The following CLIP4 variants were observed in gnomAD, a reference collection of about 807,000 sequenced individuals.
The protein encoded by CLIP4 is CAP-Gly domain containing linker protein family member 4.
In CLIP4, 47 loss-of-function variants were observed where a neutral mutation model predicts 73.1. The observed-to-expected ratio is 0.64, with a 90% CI of 0.51 to 0.82. The LOEUF is 0.82. CLIP4 is among the 40% of genes least tolerant of loss of function. The pLI is 0.00. For synonymous variants in CLIP4, 306 were observed against 295.4 expected (o/e 1.04, Z -0.37); for missense variants, 874 against 852.9 (o/e 1.02, Z -0.31).
chr2:29,122,317 G>T (rs1240385050), intron 2 of CLIP4, among the ~76,000 whole-genome samples: 1 of 149,752 alleles, frequency 6.7e-6, no homozygotes, highest in African/African-American at 2.5e-5. Flanking sequence ...TAAAACCTGT[G>T]CCTTGATCTT....
intron 1 of CLIP4, among the ~76,000 whole-genome samples, chr2:29,117,710 C>T (rs1313604737): frequency 6.6e-6 from 1 of 152,132 alleles, no homozygotes; most frequent in African/African-American, 2.4e-5. Flanking sequence ...TTATTAGTCT[C>T]CAGGAAGCCT....
At chr2:29,176,044 AGCCACC>A (rs1201901074) in intron 15 of CLIP4, among the ~76,000 whole-genome samples, 1 of 152,200 alleles carries the variant, frequency 6.6e-6, no homozygotes, top group Non-Finnish European at 1.5e-5. Context: ...TACAGGCGTG[AGCCACC>A]GCACCCGGCT....
intron 10 of CLIP4, among the ~76,000 whole-genome samples, chr2:29,156,698 G>A (rs369594751): frequency 1.2e-4 from 18 of 152,110 alleles, no homozygotes; most frequent in Admixed American, 2.0e-4. Context: ...GAAAATAAAC[G>A]GAAATTCCAT....
At chr2:29,116,110 G>A (rs1663805449) in intron 1 of CLIP4, among the ~76,000 whole-genome samples, 1 of 152,218 alleles carries the variant, frequency 6.6e-6, no homozygotes, top group South Asian at 2.1e-4. Context: ...TGGCCAGTGG[G>A]TCTTCAAAGC....
At chr2:29,131,433 A>G in intron 3 of CLIP4, 36 bp downstream of exon 3, 4 of 1,569,058 alleles carry the variant, frequency 2.5e-6, no homozygotes, top group Non-Finnish European at 3.4e-6. Context: ...TTGCATTGTT[A>G]GGATTGTTAA....
At chr2:29,158,733 G>T (rs1427635553) in intron 11 of CLIP4, among the ~76,000 whole-genome samples, 1 of 152,190 alleles carries the variant, frequency 6.6e-6, no homozygotes, top group East Asian at 1.9e-4. Context: ...GAATGGGAAA[G>T]GTAGGGACCT....
At chr2:29,114,539 G>T (rs1325785662), upstream of CLIP4, among the ~76,000 whole-genome samples, 2 of 152,220 alleles carry the variant, frequency 1.3e-5, no homozygotes, top group African/African-American at 4.8e-5. Flanking sequence ...GTTAGTGGAG[G>T]TGTTCAACCA....
Position 29,160,385 on chromosome 2 carries a change from A to G in CLIP4, c.1452A>G (p.Glu484=), listed in dbSNP as rs543402143. ...STANNSRCEG[E]LRLGERVLVV... is the part of the protein sequence containing the mutation. ...CAAATAATAGCCGTTGCGAGGGGGA[A>G]CTCCGCCTCGGAGAGAGAGTGTTAG... Residue 484 remains glutamate (E), a synonymous_variant, in exon 12 of 16, where the codon GAA becomes GAG. Transcript: ENST00000320081. 7.1e-5 allele frequency: 115 copies of G among 1,613,924 alleles called. No homozygotes were observed. In the South Asian group the frequency reaches 1.0e-3, roughly 14 times the overall value.
At chr2:29,143,541 A>C (rs1018653408) in intron 6 of CLIP4, among the ~76,000 whole-genome samples, 168 bp from the exon 7 acceptor site, 2 of 151,982 alleles carry the variant, frequency 1.3e-5, no homozygotes, top group African/African-American at 4.8e-5. Flanking sequence ...TCACTGTAGG[A>C]TCTTTAGCAC....
chr2:29,143,478 C>G (rs1196111548), intron 6 of CLIP4, among the ~76,000 whole-genome samples: 1 of 149,746 alleles, frequency 6.7e-6, no homozygotes, highest in East Asian at 2.0e-4. Flanking sequence ...GTTGTATGGT[C>G]TATCTCTCCC....
At chr2:29,154,222 G>C (rs1331124939) in intron 9 of CLIP4, among the ~76,000 whole-genome samples, 2 of 152,180 alleles carry the variant, frequency 1.3e-5, no homozygotes, top group Non-Finnish European at 1.5e-5. Context: ...GAAGTATACG[G>C]TAAATATAGA....
In CLIP4 at chr2:29,183,157, CTG is replaced by C. The variant is rs1668722787; in HGVS notation, c.*1268_*1269del. ...TTAGGTATTGAAGTTTATGTCCTGT[CTG>C]TGTAAAGATTCATCTTTTATTGTAA... On this transcript the variant is annotated 3_prime_UTR_variant, in exon 16 of 16. Coordinates refer to ENST00000320081, the MANE Select transcript of CLIP4 (RefSeq NM_024692.6). 6.6e-6 allele frequency: 1 copy of C among 152,580 alleles called. No individual in the cohort carries two copies. Among genetic ancestry groups the C allele is most frequent in the South Asian group, 2.1e-4 (1 of 4,838 alleles). The allele number at this position is 152,580 out of a possible 1,614,324, so 9.5% of individuals were successfully genotyped here. A position where few individuals can be genotyped will look rare whatever the true frequency, so the allele number is the denominator to read the frequency against.
In CLIP4 at chr2:29,181,836, G is replaced by A. The variant is rs747449043; in HGVS notation, c.2061G>A (p.Pro687=). 57 of 1,613,998 alleles carry A rather than the reference G, an allele frequency of 3.5e-5. No individual in the cohort carries two copies. The highest frequency in any genetic ancestry group is 5.3e-5 in the African/African-American group (4 of 74,932). Reference sequence around the variant, plus strand: ...CGAACCATGGAGTCTTAGTTCGACCGAGCAGAGTGACCTATCGGGGAATTA... The same window carrying A: ...CGAACCATGGAGTCTTAGTTCGACCAAGCAGAGTGACCTATCGGGGAATTA... ...CKPNHGVLVR[P]SRVTYRGING... Residue 687 remains proline (P), a synonymous_variant, in exon 16 of 16, where the codon CCG becomes CCA. Coordinates refer to ENST00000320081, the MANE Select transcript of CLIP4 (RefSeq NM_024692.6).
chr2:29,123,740 C>T (rs115885022), intron 2 of CLIP4, among the ~76,000 whole-genome samples: 1,669 of 152,190 alleles, frequency 0.011, 26 homozygotes, highest in African/African-American at 0.038. Context: ...CCAGGTCATG[C>T]GGGGTCATGT....
intron 12 of CLIP4, among the ~76,000 whole-genome samples, chr2:29,160,901 TA>T (rs1667245119): frequency 1.3e-5 from 2 of 152,220 alleles, no homozygotes; most frequent in South Asian, 2.1e-4. Context: ...TTGGGGCCCT[TA>T]AAAATACATG....
intron 1 of CLIP4, among the ~76,000 whole-genome samples, chr2:29,098,207 CT>C (rs2148426957): frequency 6.6e-6 from 1 of 152,304 alleles, no homozygotes; most frequent in Admixed American, 6.5e-5. Context: ...TCACAATTGA[CT>C]TTTTTTCTTC....
Position 29,152,766 on chromosome 2 carries a change from C to T in CLIP4, c.1103C>T (p.Ala368Val), listed in dbSNP as rs1290119032. ...ACACACACTCCTTCTACAAAAGCTG[C>T]TGTACCTCTCATCAGGTCCCAGAAA... ...NITHTPSTKA[A>V]VPLIRSQKID... is the part of the protein sequence containing the mutation. The change falls in exon 9 of 16, where the codon GCT (alanine) becomes GTT (valine). Residue 368 changes from alanine (A) to valine (V), a missense_variant. Physicochemically the swap from Ala to Val is moderately conservative, Grantham distance 64. Coordinates refer to ENST00000320081, the MANE Select transcript of CLIP4 (RefSeq NM_024692.6). 6.2e-7 allele frequency: 1 copy of T among 1,613,866 alleles called. No individual in the cohort carries two copies. Among genetic ancestry groups the T allele is most frequent in the African/African-American group, 1.3e-5 (1 of 75,052 alleles).
intron 15 of CLIP4, among the ~76,000 whole-genome samples, chr2:29,179,868 ATAATT>A (rs918154743): frequency 6.6e-6 from 1 of 152,312 alleles, no homozygotes; most frequent in Admixed American, 6.5e-5. Context: ...TGACATGTAA[ATAATT>A]TAAGACTATT....
chr2:29,148,047 A>G (rs1289618068), intron 8 of CLIP4, among the ~76,000 whole-genome samples: 4 of 152,190 alleles, frequency 2.6e-5, no homozygotes, highest in African/African-American at 9.7e-5. Context: ...CCAAACTCCC[A>G]TTATCCCAAG....
Sources: allele counts gnomAD v4.1 joint callset (sites outside exome capture counted in the v4.1 genomes callset), GRCh38; gene constraint gnomAD v4.1.1; transcripts MANE v1.5; gene names NCBI Gene and HGNC (gene_info 2026-07-23, HGNC 2026-07-21).